IMPA2: variants seen among roughly 807,000 people sequenced by gnomAD.
IMPA2 encodes the protein IMP 2.
Under a neutral mutation model 35.1 loss-of-function variants are expected in IMPA2, and 32 were observed. The ratio of observed to expected loss-of-function variants is 0.91; its 90% CI spans 0.69 to 1.23. The LOEUF is 1.23. Among genes scored for constraint, IMPA2 ranks in the 50% most tolerant of loss-of-function variants. IMPA2 has a pLI of 0.00. For missense variants in IMPA2, 334 were observed against 387.6 expected (o/e 0.86, Z 1.16); for synonymous variants, 135 against 160.6 (o/e 0.84, Z 1.20).
Position 12,028,930 on chromosome 18 carries a change from T to C in IMPA2, c.688T>C (p.Trp230Arg). 1 of 1,614,102 alleles carries C rather than the reference T, an allele frequency of 6.2e-7. No individual in the cohort carries two copies. The highest frequency in any genetic ancestry group is 8.5e-7 in the Non-Finnish European group (1 of 1,180,026). ...DAYYQFGLHC[W>R]DLAAATVIIR... ...CTATTACCAGTTTGGCCTGCACTGC[T>C]GGGATCTGGCGGCTGCCACAGTCAT... The change falls in exon 7 of 8, where the codon TGG (tryptophan) becomes CGG (arginine). Residue 230 changes from tryptophan (W) to arginine (R), a missense_variant. Physicochemically the swap from Trp to Arg is moderately radical, Grantham distance 101 (BLOSUM62 -3). Coordinates refer to ENST00000269159, the MANE Select transcript of IMPA2 (RefSeq NM_014214.3).
chr18:12,009,968 A>G lies in IMPA2; in HGVS notation c.316A>G (p.Thr106Ala). 1.2e-6 allele frequency: 2 copies of G among 1,613,988 alleles called. No homozygotes were observed. The highest frequency in any genetic ancestry group is 1.7e-6 in the Non-Finnish European group (2 of 1,180,010). ...GTGGATCATCGACCCCATCGACGGCACCTGCAATTTTGTGCACAGGTGAGC... is the reference window on the plus strand; with the variant it reads ...GTGGATCATCGACCCCATCGACGGCGCCTGCAATTTTGTGCACAGGTGAGC... The part of the protein sequence containing the change: ...PTWIIDPIDG[T>A]CNFVHRFPTV... The change falls in exon 3 of 8, where the codon ACC (threonine) becomes GCC (alanine). Residue 106 changes from threonine to alanine, a missense_variant. Physicochemically the swap from Thr to Ala is moderately conservative, Grantham distance 58. Transcript: ENST00000269159.
intron 1 of IMPA2, among the ~76,000 whole-genome samples, chr18:11,995,634 T>C (rs927338685): frequency 6.6e-6 from 1 of 152,098 alleles, no homozygotes; most frequent in Non-Finnish European, 1.5e-5. Flanking sequence ...ACCGTGACCA[T>C]GTTTTAGGAA....
chr18:12,002,763 C>CAAAAA (rs57245640), intron 2 of IMPA2, among the ~76,000 whole-genome samples: 1 of 137,612 alleles, frequency 7.3e-6, no homozygotes. Context: ...GACCTTGTCT[C>CAAAAA]AAAAAAAAAA....
chr18:11,994,624 T>G (rs191444112), intron 1 of IMPA2, among the ~76,000 whole-genome samples: 2 of 152,350 alleles, frequency 1.3e-5, no homozygotes, highest in East Asian at 3.9e-4. Context: ...AAAGGACATA[T>G]TACAAAATCT....
intron 5 of IMPA2, among the ~76,000 whole-genome samples, chr18:12,019,652 T>C (rs1310177459): frequency 6.6e-6 from 1 of 152,140 alleles, no homozygotes; most frequent in African/African-American, 2.4e-5. Context: ...CATTGGGCTA[T>C]CTTGTACTTT....
intron 1 of IMPA2, among the ~76,000 whole-genome samples, chr18:11,997,597 A>G (rs1906996504): frequency 6.6e-6 from 1 of 152,200 alleles, no homozygotes; most frequent in South Asian, 2.1e-4. Context: ...GGAGGAGCAC[A>G]TGGGAGGCTG....
chr18:12,015,801 ACTGGT>A (rs1329303411), intron 5 of IMPA2, among the ~76,000 whole-genome samples: 1 of 152,196 alleles, frequency 6.6e-6, no homozygotes, highest in Non-Finnish European at 1.5e-5. Flanking sequence ...TCATTGTGTA[ACTGGT>A]GGTGAGGAAG....
At chr18:12,024,617 A>G (rs1006269588) in intron 5 of IMPA2, among the ~76,000 whole-genome samples, 3 of 152,058 alleles carry the variant, frequency 2.0e-5, no homozygotes, top group African/African-American at 7.2e-5. Context: ...CTCTGGGACA[A>G]TTCATTCTTC....
chr18:12,027,560 G>A (rs1189550101), intron 5 of IMPA2, among the ~76,000 whole-genome samples: 2 of 136,380 alleles, frequency 1.5e-5, no homozygotes, highest in African/African-American at 2.8e-5. Context: ...TTGGTTGAAT[G>A]ATGGTGATTT....
At position 12,007,635 on chromosome 18, in the gene IMPA2, CTTTCTTTCTTTCTTTCTTT is replaced by C. The variant is rs1568032861; in HGVS notation, c.231-2247_231-2229del. Among the ~76,000 whole-genome samples, 227 of 50,112 alleles carry C rather than the reference CTTTCTTTCTTTCTTTCTTT, an allele frequency of 4.5e-3. 2 individuals carry two copies. Among genetic ancestry groups the C allele is most frequent in the African/African-American group, 0.014 (200 of 14,534 alleles). 32.9% of individuals were successfully genotyped at this position (50,112 alleles called of 152,430 possible). A position where few individuals can be genotyped will look rare whatever the true frequency, so the allele number is the denominator to read the frequency against. On this transcript the variant is annotated intron_variant, in intron 2 of 7. Coordinates refer to ENST00000269159, the MANE Select transcript of IMPA2 (RefSeq NM_014214.3). ...CTTTCTTTCTTTTTCTTTCTTCTTT[CTTTCTTTCTTTCTTTCTTT>C]CTTTCTTTCTTTCTTTCTTTCTTTC...
At chr18:12,001,526 A>AT (rs1344155856) in intron 2 of IMPA2, among the ~76,000 whole-genome samples, 1 of 152,138 alleles carries the variant, frequency 6.6e-6, no homozygotes, top group Admixed American at 6.5e-5. Flanking sequence ...GCACTCTGAG[A>AT]TTGCACGCAA....
In IMPA2 at chr18:11,987,686, C is replaced by T. The variant is rs369884281; in HGVS notation, c.96+5921C>T. On this transcript the variant is annotated intron_variant, in intron 1 of 7. Coordinates refer to ENST00000269159, the MANE Select transcript of IMPA2 (RefSeq NM_014214.3). ...TCCAGTTTGAAGTTAATACGGGTAA[C>T]GTTGCTGTGAACTTTCTTGCACATG... 3.9e-5 allele frequency among the ~76,000 whole-genome samples: 6 copies of T among 152,224 alleles called. No individual in the cohort carries two copies. The East Asian group carries it at 5.8e-4, about 15-fold the overall frequency.
intron 4 of IMPA2, among the ~76,000 whole-genome samples, chr18:12,014,036 AT>A (rs1907506627): frequency 6.6e-6 from 1 of 152,206 alleles, no homozygotes; most frequent in Non-Finnish European, 1.5e-5. Flanking sequence ...GTCTGAATAT[AT>A]TTTAAAATTG....
chr18:12,004,794 G>GGATTA (rs1451401352), intron 2 of IMPA2, among the ~76,000 whole-genome samples: 3 of 152,044 alleles, frequency 2.0e-5, no homozygotes, highest in African/African-American at 7.2e-5. Context: ...CAAAGTGCTG[G>GGATTA]GATTACAGGC....
intron 2 of IMPA2, among the ~76,000 whole-genome samples, chr18:12,007,684 C>G (rs1401799179): frequency 1.7e-5 from 2 of 118,328 alleles, no homozygotes; most frequent in East Asian, 5.1e-4. Context: ...TCTTTCCTTT[C>G]TTTCCTTTCT....
chr18:12,006,852 C>A lies in IMPA2; in HGVS notation c.231-3031C>A, dbSNP rs55802360. On this transcript the variant is annotated intron_variant, in intron 2 of 7. Transcript: ENST00000269159. ...CCGTGCATAGAAAAGTGACATCGGGCCAGGCGTGGTGGCTCACGCCTGCAA... is the reference window on the plus strand; with the variant it reads ...CCGTGCATAGAAAAGTGACATCGGGACAGGCGTGGTGGCTCACGCCTGCAA... 5.8e-3 allele frequency among the ~76,000 whole-genome samples: 888 copies of A among 152,256 alleles called. 4 individuals are homozygous for A. Among genetic ancestry groups the A allele is most frequent in the Non-Finnish European group, 9.1e-3 (616 of 68,028 alleles).
intron 1 of IMPA2, among the ~76,000 whole-genome samples, chr18:11,987,577 C>T (rs1267833950): frequency 1.3e-5 from 2 of 152,254 alleles, no homozygotes; most frequent in East Asian, 3.9e-4. Flanking sequence ...GTGGTCCACC[C>T]GCCTTGGCCT....
intron 6 of IMPA2, 144 bp downstream of exon 6, chr18:12,028,295 C>T: frequency 1.6e-6 from 1 of 628,438 alleles, no homozygotes; most frequent in Non-Finnish European, 2.8e-6. Context: ...TCAGGGAAGC[C>T]CTGTGAGGGG....
At chr18:11,987,320 G>A (rs1906694447) in intron 1 of IMPA2, among the ~76,000 whole-genome samples, 1 of 152,090 alleles carries the variant, frequency 6.6e-6, no homozygotes, top group Non-Finnish European at 1.5e-5. Flanking sequence ...TCATTCAACT[G>A]TTTTATTTAT....
Sources: allele counts gnomAD v4.1 joint callset (sites outside exome capture counted in the v4.1 genomes callset), GRCh38; gene constraint gnomAD v4.1.1; transcripts MANE v1.5; gene names NCBI Gene and HGNC (gene_info 2026-07-23, HGNC 2026-07-21).